Variants in PTPRB observed in about 807,000 individuals in gnomAD.
PTPRB encodes the protein protein tyrosine phosphatase receptor type B.
A neutral mutation model predicts 238.1 loss-of-function variants in PTPRB; 97 were observed. That is an observed-to-expected ratio of 0.41 (90% CI 0.35 to 0.48). PTPRB has a LOEUF of 0.48. Among genes scored for constraint, PTPRB ranks in the 20% least tolerant of loss-of-function variants. The pLI, the probability that PTPRB is intolerant of heterozygous loss-of-function variation, is 0.30. For synonymous variants in PTPRB, 970 were observed against 995.4 expected (o/e 0.97, Z 0.48); for missense variants, 2,292 against 2,681.9 (o/e 0.85, Z 3.21).
At chr12:70,537,922 T>C (rs866584434) in intron 28 of PTPRB, 2 of 444,184 alleles carry the variant, frequency 4.5e-6, no homozygotes, top group African/African-American at 4.0e-5. Context: ...AGATGATCTA[T>C]GAAAATGCAT....
intron 3 of PTPRB, among the ~76,000 whole-genome samples, chr12:70,615,799 G>A (rs1884653418): frequency 6.6e-6 from 1 of 152,152 alleles, no homozygotes; most frequent in Non-Finnish European, 1.5e-5. Flanking sequence ...CAAACCCTAG[G>A]ATAGCAGACA....
chr12:70,526,621 A>G (rs1236693264), intron 32 of PTPRB, among the ~76,000 whole-genome samples: 1 of 152,242 alleles, frequency 6.6e-6, no homozygotes, highest in African/African-American at 2.4e-5. Flanking sequence ...GTTACATGCA[A>G]TCTCAATCTT....
chr12:70,524,873 G>GTGTGTATATATGAATATA lies in PTPRB; in HGVS notation c.6505-283_6505-282insTATATTCATATATACACA, dbSNP rs1565896955. On this transcript the variant is annotated intron_variant, in intron 32 of 33. Coordinates refer to ENST00000334414, the MANE Select transcript of PTPRB (RefSeq NM_001109754.4). ...TATGTGTGTATATGTGTGTATATATGTGTGTATATATGTATATATGTGTAT... is the reference window on the plus strand; with the variant it reads ...TATGTGTGTATATGTGTGTATATATGTGTGTATATATGAATATATGTGTATATATGTATATATGTGTAT... Among the ~76,000 whole-genome samples, 50 of 147,330 alleles carry GTGTGTATATATGAATATA rather than the reference G, an allele frequency of 3.4e-4. No homozygotes were observed. In the East Asian group the frequency reaches 5.2e-3, roughly 15 times the overall value.
chr12:70,588,572 G>A (rs1189101742), intron 8 of PTPRB, among the ~76,000 whole-genome samples: 1 of 152,166 alleles, frequency 6.6e-6, no homozygotes, highest in Non-Finnish European at 1.5e-5. Flanking sequence ...GGCAGAGGTT[G>A]CAGCGAGCCA....
At chr12:70,524,833 A>G (rs1872110735) in intron 32 of PTPRB, among the ~76,000 whole-genome samples, 1 of 145,538 alleles carries the variant, frequency 6.9e-6, no homozygotes, top group Non-Finnish European at 1.5e-5. Context: ...GTGTGTGTGC[A>G]TATATGTGTG....
intron 18 of PTPRB, among the ~76,000 whole-genome samples, chr12:70,557,717 G>T (rs3782376): frequency 6.6e-6 from 1 of 152,078 alleles, no homozygotes; most frequent in African/African-American, 2.4e-5. Flanking sequence ...ACCAAGAGAT[G>T]GAGAGCCTAC....
In PTPRB at chr12:70,631,110, C is replaced by T. The variant is rs543306982; in HGVS notation, c.451+4561G>A. ...GTTCATATGGAACCAAAAAAGAGCC[C>T]ACATAGCCAAGACAATCCTAAGCAA... is the stretch of plus-strand genomic sequence containing the variant. On this transcript the variant is annotated intron_variant, in intron 2 of 33. Transcript: ENST00000334414. 3.3e-3 allele frequency among the ~76,000 whole-genome samples: 502 copies of T among 152,178 alleles called. 5 individuals are homozygous for T. Among genetic ancestry groups the T allele is most frequent in the African/African-American group, 0.011 (472 of 41,494 alleles).
intron 18 of PTPRB, 55 bp from the exon 19 acceptor site, chr12:70,556,203 T>C: frequency 6.7e-7 from 1 of 1,494,196 alleles, no homozygotes; most frequent in African/African-American, 1.4e-5. Context: ...ATTTTTTTTT[T>C]TCAGCTCCTT....
chr12:70,524,207 C>T (rs1370220093), intron 33 of PTPRB, among the ~76,000 whole-genome samples: 1 of 151,960 alleles, frequency 6.6e-6, no homozygotes, highest in Admixed American at 6.6e-5. Flanking sequence ...CTCCCAAGCC[C>T]AAGTGATCCT....
At chr12:70,539,517 G>T in intron 26 of PTPRB, 108 bp downstream of exon 26, 1 of 850,628 alleles carries the variant, frequency 1.2e-6, no homozygotes. Context: ...ATTCTAAGCA[G>T]CCTCCTAACT....
intron 28 of PTPRB, among the ~76,000 whole-genome samples, chr12:70,537,465 T>G (rs924904324): frequency 1.3e-5 from 2 of 152,166 alleles, no homozygotes; most frequent in Admixed American, 6.5e-5. Context: ...TCAACTCTTC[T>G]GAGAGTTCCT....
At chr12:70,525,589 A>T (rs1872308657) in intron 32 of PTPRB, among the ~76,000 whole-genome samples, 1 of 151,444 alleles carries the variant, frequency 6.6e-6, no homozygotes, top group Non-Finnish European at 1.5e-5. Context: ...ATAAATAGAT[A>T]TAGAAGAGTC....
chr12:70,564,371 G>T (rs564075262), intron 15 of PTPRB, among the ~76,000 whole-genome samples: 3 of 151,932 alleles, frequency 2.0e-5, no homozygotes, highest in African/African-American at 7.3e-5. Context: ...AATTAGCCGG[G>T]TGTAGTGGTG....
chr12:70,557,367 A>G (rs1877852744), intron 18 of PTPRB, among the ~76,000 whole-genome samples: 1 of 152,258 alleles, frequency 6.6e-6, no homozygotes. Flanking sequence ...ACCCGATCCT[A>G]ATAAATACAA....
chr12:70,590,094 GAT>G lies in PTPRB; in HGVS notation c.1918_1919del (p.Ile640HisfsTer13). 1 of 1,613,942 alleles carries G rather than the reference GAT, an allele frequency of 6.2e-7. No homozygotes were observed. Among genetic ancestry groups the G allele is most frequent in the Non-Finnish European group, 8.5e-7 (1 of 1,179,872 alleles). On this transcript the variant is annotated frameshift_variant, in exon 8 of 34. Coordinates refer to ENST00000334414, the MANE Select transcript of PTPRB (RefSeq NM_001109754.4). LOFTEE classifies it high-confidence loss of function. Reference sequence around the variant, plus strand: ...ACTGTGTTTCTTCCTTTCCCACAGTGATGTTGAGCAGCACCACAGAATCATTG... The same window carrying G: ...ACTGTGTTTCTTCCTTTCCCACAGTGGTTGAGCAGCACCACAGAATCATTG... Reference protein sequence around the residue: ...LFNDSVVLLNITVGKEETQYV... With the variant: ...LFNDSVVLLNXTVGKEETQYV...
chr12:70,546,985 T>C (rs939354481), intron 21 of PTPRB, among the ~76,000 whole-genome samples: 4 of 152,308 alleles, frequency 2.6e-5, no homozygotes, highest in Admixed American at 6.5e-5. Flanking sequence ...ATTTCAATTC[T>C]ATGAAAGTGA....
chr12:70,571,971 T>C lies in PTPRB; in HGVS notation c.2959A>G (p.Lys987Glu). 1 of 1,614,028 alleles carries C rather than the reference T, an allele frequency of 6.2e-7. No homozygotes were observed. Among genetic ancestry groups the C allele is most frequent in the Non-Finnish European group, 8.5e-7 (1 of 1,179,896 alleles). Residue 987 changes from lysine (K) to glutamate (E), a missense_variant, in exon 12 of 34, where the codon AAA becomes GAA. By Grantham distance (56) the Lys-to-Glu change is moderately conservative. This residue lies in a region of PTPRB where 1,205 missense variants were observed against 1,287.8 expected (regional missense o/e 0.94). Transcript: ENST00000334414. The stretch of plus-strand genomic sequence containing the variant: ...CTTTTAGTTTGAATGAAGTTGTTTT[T>C]GTTTTTAATGGTGACTTCATAGTGA... ...FDHYEVTIKN[K>E]NNFIQTKSIP...
chr12:70,576,675 G>GGT (rs1555230236), intron 10 of PTPRB, 30 bp from the exon 11 acceptor site: 3 of 267,286 alleles, frequency 1.1e-5, no homozygotes, highest in Admixed American at 5.7e-5. Context: ...GGGGCGGGGG[G>GGT]GGGGGGGAAG....
At chr12:70,604,665 C>G (rs942322316) in intron 4 of PTPRB, among the ~76,000 whole-genome samples, 3 of 152,162 alleles carry the variant, frequency 2.0e-5, no homozygotes, top group Non-Finnish European at 4.4e-5. Flanking sequence ...TGTTGAAACC[C>G]TAAACCCCAG....
Sources: gnomAD v4.1 joint callset for allele counts (sites outside exome capture counted in the v4.1 genomes callset) on GRCh38, gnomAD v4.1.1 for gene constraint, gnomAD v4.1.1 regional missense constraint, MANE v1.5 for transcripts, NCBI Gene and HGNC (gene_info 2026-07-23, HGNC 2026-07-21) for gene names.